Variants in SLC35F4 observed in about 807,000 individuals in gnomAD.
SLC35F4 encodes the protein solute carrier family 35 member F4.
Under a neutral mutation model 44.2 loss-of-function variants are expected in SLC35F4, and 24 were observed. The ratio of observed to expected loss-of-function variants is 0.54; its 90% confidence interval spans 0.39 to 0.76. The LOEUF (loss-of-function observed/expected upper bound fraction) is 0.76, where lower values mean the gene tolerates loss of function less well. Ranked by LOEUF, SLC35F4 falls within the 30% of genes least tolerant of loss-of-function variation. The probability of loss-of-function intolerance (pLI) is 0.00; values close to 1 mark genes in which losing one functional copy is unlikely to be tolerated. For missense variants in SLC35F4, 562 were observed against 586.1 expected (o/e 0.96, Z 0.42); for synonymous variants, 238 against 223.6 (o/e 1.06, Z -0.57).
chr14:57,841,665 G>C (rs1433654110), intron 1 of SLC35F4, among the ~76,000 whole-genome samples: 1 of 152,118 alleles, frequency 6.6e-6, no homozygotes, highest in Non-Finnish European at 1.5e-5. Flanking sequence ...CAGGGACTAT[G>C]GTGAAGTGCA....
intron 1 of SLC35F4, among the ~76,000 whole-genome samples, chr14:57,776,465 G>C (rs2077489792): frequency 2.0e-5 from 3 of 152,046 alleles, no homozygotes; most frequent in South Asian, 4.2e-4. Flanking sequence ...AGGAGATCAA[G>C]ACCATCCTGG....
At chr14:57,946,815 T>C (rs1460177945) in intron 1 of SLC35F4, among the ~76,000 whole-genome samples, 3 of 152,152 alleles carry the variant, frequency 2.0e-5, no homozygotes, top group Non-Finnish European at 2.9e-5. Context: ...CAATCCCATT[T>C]GTCTATATGC....
chr14:57,606,322 A>G (rs914640262), intron 1 of SLC35F4, among the ~76,000 whole-genome samples: 23 of 137,030 alleles, frequency 1.7e-4, no homozygotes, highest in African/African-American at 5.3e-4. Flanking sequence ...TAATACTTAT[A>G]TATTTCTCCA....
chr14:57,879,146 C>A (rs944822540), intron 1 of SLC35F4, among the ~76,000 whole-genome samples: 1 of 152,162 alleles, frequency 6.6e-6, no homozygotes, highest in East Asian at 1.9e-4. Context: ...GCAGGAAAAA[C>A]TCTAAAGTAG....
At chr14:57,868,007 G>A (rs551859669), upstream of SLC35F4, among the ~76,000 whole-genome samples, 34 of 152,086 alleles carry the variant, frequency 2.2e-4, no homozygotes, top group South Asian at 3.7e-3. Context: ...AACAATTACC[G>A]TGTAAGTCAT....
intron 1 of SLC35F4, among the ~76,000 whole-genome samples, chr14:57,878,701 C>T (rs2141031198): frequency 6.6e-6 from 1 of 152,234 alleles, no homozygotes; most frequent in African/African-American, 2.4e-5. Flanking sequence ...CCTCTCTAGA[C>T]TGTAAATACA....
intron 1 of SLC35F4, among the ~76,000 whole-genome samples, chr14:57,907,945 C>T (rs986234579): frequency 8.6e-5 from 13 of 152,042 alleles, no homozygotes; most frequent in African/African-American, 3.1e-4. Context: ...CCTCCCCTCA[C>T]CCCCACCTCC....
At chr14:57,741,752 A>G (rs1340472641) in intron 1 of SLC35F4, among the ~76,000 whole-genome samples, 1 of 152,048 alleles carries the variant, frequency 6.6e-6, no homozygotes, top group African/African-American at 2.4e-5. Flanking sequence ...TGAGAAGAGC[A>G]ACTCCAAGGC....
chr14:57,667,234 G>C (rs2074341520), intron 1 of SLC35F4, among the ~76,000 whole-genome samples: 1 of 151,930 alleles, frequency 6.6e-6, no homozygotes, highest in Admixed American at 6.6e-5. Context: ...GAAGGAGAGA[G>C]ACATGTTCTG....
At chr14:57,903,480 A>C (rs1889048924) in intron 1 of SLC35F4, among the ~76,000 whole-genome samples, 1 of 152,238 alleles carries the variant, frequency 6.6e-6, no homozygotes. Context: ...TAGTTTAGAA[A>C]GTTCAGAGGA....
intron 1 of SLC35F4, among the ~76,000 whole-genome samples, chr14:57,793,437 C>T (rs1393617242): frequency 6.6e-6 from 1 of 151,954 alleles, no homozygotes; most frequent in Non-Finnish European, 1.5e-5. Context: ...ATCAAACTGT[C>T]CTGTATGCTT....
chr14:57,946,411 CT>C (rs1890027137), intron 1 of SLC35F4, among the ~76,000 whole-genome samples: 1 of 146,748 alleles, frequency 6.8e-6, no homozygotes, highest in Admixed American at 6.8e-5. Context: ...TTTTTGTTTG[CT>C]TTGTCGAAGA....
chr14:57,745,159 G>A (rs1439249008), intron 1 of SLC35F4, among the ~76,000 whole-genome samples: 1 of 152,162 alleles, frequency 6.6e-6, no homozygotes, highest in Non-Finnish European at 1.5e-5. Flanking sequence ...ATACCATTCA[G>A]GACATAGGCA....
At chr14:57,935,384 G>T (rs981171140) in intron 1 of SLC35F4, among the ~76,000 whole-genome samples, 1 of 152,152 alleles carries the variant, frequency 6.6e-6, no homozygotes, top group Admixed American at 6.5e-5. Flanking sequence ...CTACCCATGG[G>T]TGTGTTGGTG....
intron 3 of SLC35F4, among the ~76,000 whole-genome samples, chr14:57,587,315 C>A (rs1189869572): frequency 6.6e-6 from 1 of 152,180 alleles, no homozygotes; most frequent in African/African-American, 2.4e-5. Context: ...TAAAAAGACA[C>A]ACGCACACGT....
intron 1 of SLC35F4, among the ~76,000 whole-genome samples, chr14:57,710,432 T>C (rs1272860085): frequency 6.6e-6 from 1 of 152,114 alleles, no homozygotes; most frequent in Non-Finnish European, 1.5e-5. Context: ...AATGTGGGGA[T>C]GGAGCCCCCA....
At position 57,586,579 on chromosome 14, in the gene SLC35F4, G is replaced by A. The variant is rs552759345; in HGVS notation, c.587+2637C>T. The stretch of plus-strand genomic sequence containing the variant: ...AAAAAATACAAAAAATTAGCCGGGC[G>A]TGGTGGCGGGTGCCTGTAGTCCCAG... On this transcript the variant is annotated intron_variant, in intron 3 of 7. Transcript: ENST00000556826. Among the ~76,000 whole-genome samples, 650 of 151,528 alleles carry A rather than the reference G, an allele frequency of 4.3e-3. 3 individuals carry two copies. Among genetic ancestry groups the A allele is most frequent in the African/African-American group, 0.014 (562 of 41,350 alleles).
At chr14:57,958,279 C>A (rs1265157194) in intron 1 of SLC35F4, among the ~76,000 whole-genome samples, 1 of 152,120 alleles carries the variant, frequency 6.6e-6, no homozygotes, top group East Asian at 1.9e-4. Context: ...GGGATGGTCT[C>A]AATCTCCTGA....
At chr14:57,847,674 A>T (rs1301351468) in intron 1 of SLC35F4, among the ~76,000 whole-genome samples, 2 of 152,340 alleles carry the variant, frequency 1.3e-5, no homozygotes, top group East Asian at 3.9e-4. Context: ...CAGCTCGATG[A>T]CATTTTCATA....
Sources: gnomAD v4.1 joint callset for allele counts (sites outside exome capture counted in the v4.1 genomes callset) on GRCh38, gnomAD v4.1.1 for gene constraint, MANE v1.5 for transcripts, NCBI Gene and HGNC (gene_info 2026-07-23, HGNC 2026-07-21) for gene names.